Variants in ERBB4 observed in about 807,000 individuals in gnomAD.
ERBB4 encodes the protein receptor tyrosine-protein kinase erbB-4.
In ERBB4, 42 loss-of-function variants were observed where a neutral mutation model predicts 158.0. That is an observed-to-expected ratio of 0.27 (90% CI 0.21 to 0.34). ERBB4 has a LOEUF of 0.34. Among genes scored for constraint, ERBB4 ranks in the 10% least tolerant of loss-of-function variants. The pLI is 1.00. For synonymous variants in ERBB4, 583 were observed against 558.7 expected (o/e 1.04, Z -0.61); for missense variants, 1,333 against 1,624.1 (o/e 0.82, Z 3.08).
rs1262926290 is a variant in ERBB4, at chr2:211,378,050, A to G, written c.*5565T>C. On this transcript the variant is annotated 3_prime_UTR_variant, in exon 28 of 28. Coordinates refer to ENST00000342788, the MANE Select transcript of ERBB4 (RefSeq NM_005235.3). The stretch of plus-strand genomic sequence containing the variant: ...GGATCTCAGAGATCCACTATGGCTT[A>G]AGAAAGGAACAGGACAGCATCGGGG... 4.3e-6 allele frequency: 1 copy of G among 233,076 alleles called. No homozygotes were observed. The highest frequency in any genetic ancestry group is 8.5e-6 in the Non-Finnish European group (1 of 117,714). The allele number at this position is 233,076 out of a possible 1,614,324, so 14.4% of individuals were successfully genotyped here.
At chr2:212,188,009 C>G (rs538506778) in intron 1 of ERBB4, among the ~76,000 whole-genome samples, 1 of 152,170 alleles carries the variant, frequency 6.6e-6, no homozygotes, top group Admixed American at 6.5e-5. Context: ...CTCACAATAT[C>G]GTACAGGCAA....
At chr2:212,389,681 T>C (rs944131474) in intron 1 of ERBB4, among the ~76,000 whole-genome samples, 8 of 152,024 alleles carry the variant, frequency 5.3e-5, no homozygotes, top group Non-Finnish European at 1.2e-4. Context: ...TAGTGCACAG[T>C]ACATTAATAT....
intron 3 of ERBB4, among the ~76,000 whole-genome samples, chr2:211,829,410 A>G (rs1328328428): frequency 1.3e-5 from 2 of 152,108 alleles, no homozygotes; most frequent in Non-Finnish European, 2.9e-5. Context: ...TATGCTACTC[A>G]AGTTCACTTA....
chr2:211,936,450 TC>T (rs2080324273), intron 3 of ERBB4, among the ~76,000 whole-genome samples: 1 of 152,000 alleles, frequency 6.6e-6, no homozygotes, highest in South Asian at 2.1e-4. Context: ...TTATAAATAT[TC>T]TTCAAAATTG....
chr2:211,383,021 T>C lies in ERBB4; in HGVS notation c.*594A>G, dbSNP rs1383931973. On this transcript the variant is annotated 3_prime_UTR_variant, in exon 28 of 28. Coordinates refer to ENST00000342788, the MANE Select transcript of ERBB4 (RefSeq NM_005235.3). ...TACTAGTTATAACTTTAATGGAGAT[T>C]TTTAAATTATGAAAGTTGAGTTGGC... The C allele has an allele frequency of 1.3e-5, 3 of 232,176 alleles. No homozygotes were observed. In the East Asian group the frequency reaches 1.8e-4, roughly 14 times the overall value. 14.4% of individuals were successfully genotyped at this position (232,176 alleles called of 1,614,324 possible).
chr2:212,348,547 T>G (rs13414642), intron 1 of ERBB4, among the ~76,000 whole-genome samples: 3 of 152,042 alleles, frequency 2.0e-5, no homozygotes, highest in Non-Finnish European at 4.4e-5. Flanking sequence ...CATCGTCACA[T>G]TCTGAGAAGC....
At chr2:212,369,785 T>G (rs1394794) in intron 1 of ERBB4, among the ~76,000 whole-genome samples, 18,336 of 151,992 alleles carry the variant, frequency 0.12, 1,262 homozygotes, top group African/African-American at 0.18. Context: ...CTGGAAATTG[T>G]GGGCTCAAGA....
At chr2:211,998,732 A>G (rs1456251869) in intron 2 of ERBB4, among the ~76,000 whole-genome samples, 1 of 151,888 alleles carries the variant, frequency 6.6e-6, no homozygotes, top group Non-Finnish European at 1.5e-5. Context: ...ACAAATCAGA[A>G]GTTTACTTGT....
intron 7 of ERBB4, among the ~76,000 whole-genome samples, chr2:211,716,418 TG>T (rs2073907240): frequency 7.1e-6 from 1 of 140,342 alleles, no homozygotes; most frequent in Non-Finnish European, 1.5e-5. Flanking sequence ...GGCTCACGCC[TG>T]TAATCCCAGC....
chr2:212,244,067 C>T (rs2084218793), intron 1 of ERBB4, among the ~76,000 whole-genome samples: 1 of 151,754 alleles, frequency 6.6e-6, no homozygotes, highest in African/African-American at 2.4e-5. Context: ...TAGGGGAGGT[C>T]CTAGCAGTGT....
Position 211,780,293 on chromosome 2 carries a change from G to A in ERBB4, c.556+7732C>T, listed in dbSNP as rs115805300. On this transcript the variant is annotated intron_variant, in intron 4 of 27. Transcript: ENST00000342788. ...ACAGGAGGATTGCCTGAACCCAAGC[G>A]GTCGAGGCTCCAGTGAGCTGTGATT... Among the ~76,000 whole-genome samples, 348 of 152,258 alleles carry A rather than the reference G, an allele frequency of 2.3e-3. 3 individuals are homozygous for A. The highest frequency in any genetic ancestry group is 7.6e-3 in the African/African-American group (317 of 41,548).
At chr2:212,393,976 T>G in intron 1 of ERBB4, among the ~76,000 whole-genome samples, 1 of 152,230 alleles carries the variant, frequency 6.6e-6, no homozygotes, top group Non-Finnish European at 1.5e-5. Context: ...ATGCTAAATA[T>G]GGCAAAATTT....
intron 2 of ERBB4, among the ~76,000 whole-genome samples, chr2:212,119,514 T>C (rs2079678588): frequency 6.6e-6 from 1 of 152,156 alleles, no homozygotes; most frequent in Non-Finnish European, 1.5e-5. Flanking sequence ...TACTACATTT[T>C]GCCTTGTTTT....
intron 25 of ERBB4, among the ~76,000 whole-genome samples, chr2:211,403,587 T>TATCTC (rs1211356174): frequency 1.3e-5 from 2 of 152,128 alleles, no homozygotes; most frequent in Non-Finnish European, 2.9e-5. Context: ...CCTACAGTCT[T>TATCTC]ATCTCCACTG....
At chr2:211,495,777 C>A (rs2065453688) in intron 20 of ERBB4, among the ~76,000 whole-genome samples, 1 of 151,970 alleles carries the variant, frequency 6.6e-6, no homozygotes, top group African/African-American at 2.4e-5. Flanking sequence ...AATGAACTAA[C>A]TTGTAAATAA....
chr2:211,693,918 A>G (rs1372782834), intron 12 of ERBB4, among the ~76,000 whole-genome samples: 1 of 151,998 alleles, frequency 6.6e-6, no homozygotes, highest in Admixed American at 6.6e-5. Flanking sequence ...GCTCACCTCT[A>G]TATCATTCCA....
chr2:212,162,815 T>C (rs753320229), intron 1 of ERBB4, among the ~76,000 whole-genome samples: 1 of 151,986 alleles, frequency 6.6e-6, no homozygotes, highest in African/African-American at 2.4e-5. Context: ...AATAAAATGC[T>C]GGGGTAAATT....
At chr2:212,249,148 G>A (rs1388242096) in intron 1 of ERBB4, among the ~76,000 whole-genome samples, 1 of 152,058 alleles carries the variant, frequency 6.6e-6, no homozygotes, top group Non-Finnish European at 1.5e-5. Flanking sequence ...TTGCGATGAA[G>A]CATAGTAATT....
intron 1 of ERBB4, among the ~76,000 whole-genome samples, chr2:212,407,791 T>C (rs531931947): frequency 2.6e-5 from 4 of 152,178 alleles, no homozygotes; most frequent in African/African-American, 9.6e-5. Context: ...ACTGACATAT[T>C]ATACTATTCT....
Sources: gnomAD v4.1 joint callset for allele counts (sites outside exome capture counted in the v4.1 genomes callset) on GRCh38, gnomAD v4.1.1 for gene constraint, MANE v1.5 for transcripts, NCBI Gene and HGNC (gene_info 2026-07-23, HGNC 2026-07-21) for gene names.